TDRD3: variants seen among roughly 807,000 people sequenced by gnomAD.
The protein encoded by TDRD3 is tudor domain-containing protein 3.
A neutral mutation model predicts 86.7 loss-of-function variants in TDRD3; 45 were observed. The ratio of observed to expected loss-of-function variants is 0.52; its 90% CI spans 0.41 to 0.67. The LOEUF (loss-of-function observed/expected upper bound fraction) is 0.67, where lower values mean the gene tolerates loss of function less well. Among genes scored for constraint, TDRD3 ranks in the 30% least tolerant of loss-of-function variants. The pLI is 0.00. For missense variants in TDRD3, 814 were observed against 889.0 expected (o/e 0.92, Z 1.07); for synonymous variants, 298 against 301.7 (o/e 0.99, Z 0.13).
At chr13:60,462,814 T>C (rs1241778636) in intron 4 of TDRD3, among the ~76,000 whole-genome samples, 1 of 152,134 alleles carries the variant, frequency 6.6e-6, no homozygotes, top group African/African-American at 2.4e-5. Context: ...AAAATTTTAG[T>C]CCCTGAGTAA....
chr13:60,547,732 A>T lies in TDRD3; in HGVS notation c.2118+12499A>T, dbSNP rs564334251. 5.4e-4 allele frequency among the ~76,000 whole-genome samples: 82 copies of T among 152,280 alleles called. 1 individual carries two copies. The South Asian group carries it at 7.7e-3, about 14-fold the overall frequency. Reference sequence around the variant, plus strand: ...TCCCTATCTCCTCTTCATATTGAAAATATTATTTCTATCCTCTGTCTGATA... The same window carrying T: ...TCCCTATCTCCTCTTCATATTGAAATTATTATTTCTATCCTCTGTCTGATA... On this transcript the variant is annotated intron_variant, in intron 12 of 13. Transcript: ENST00000377881.
intron 7 of TDRD3, among the ~76,000 whole-genome samples, chr13:60,486,590 C>G (rs2137519286): frequency 6.6e-6 from 1 of 152,266 alleles, no homozygotes; most frequent in African/African-American, 2.4e-5. Flanking sequence ...TCTGTCACCT[C>G]AAACATTTAC....
chr13:60,523,737 C>T (rs1006554333), intron 10 of TDRD3, among the ~76,000 whole-genome samples: 1 of 151,864 alleles, frequency 6.6e-6, no homozygotes, highest in Non-Finnish European at 1.5e-5. Flanking sequence ...CCACCACGCC[C>T]AGCTAATTTT....
chr13:60,506,140 A>C (rs1956932561), intron 8 of TDRD3, among the ~76,000 whole-genome samples: 2 of 152,314 alleles, frequency 1.3e-5, no homozygotes, highest in South Asian at 4.2e-4. Flanking sequence ...GAGAAAGGTC[A>C]GGTTACCCTC....
chr13:60,430,963 GC>G (rs1437233941), intron 1 of TDRD3, among the ~76,000 whole-genome samples: 1 of 151,990 alleles, frequency 6.6e-6, no homozygotes, highest in Non-Finnish European at 1.5e-5. Flanking sequence ...CAGCAAAAAA[GC>G]ATTAGTCTGT....
chr13:60,475,570 C>T (rs936228797), intron 5 of TDRD3, among the ~76,000 whole-genome samples: 2 of 152,064 alleles, frequency 1.3e-5, no homozygotes, highest in African/African-American at 2.4e-5. Flanking sequence ...GTGCATGTGT[C>T]TTATGTGCAG....
intron 12 of TDRD3, chr13:60,537,479 C>G (rs1957723745): frequency 6.6e-6 from 1 of 151,996 alleles, no homozygotes; most frequent in Non-Finnish European, 1.5e-5. Context: ...ATAGAATTCT[C>G]TTAGCCCCTG....
At chr13:60,563,005 G>C (rs1349700215) in intron 12 of TDRD3, among the ~76,000 whole-genome samples, 1 of 151,928 alleles carries the variant, frequency 6.6e-6, no homozygotes, top group Non-Finnish European at 1.5e-5. Context: ...AAGGTGGGTG[G>C]ATCACCTGAG....
At chr13:60,492,873 ACTT>A (rs1956618089) in intron 7 of TDRD3, among the ~76,000 whole-genome samples, 1 of 145,954 alleles carries the variant, frequency 6.9e-6, no homozygotes, top group African/African-American at 2.5e-5. Flanking sequence ...TTTCATGTAT[ACTT>A]CTTTGTATTT....
intron 1 of TDRD3, among the ~76,000 whole-genome samples, chr13:60,436,733 A>G (rs1167527728): frequency 1.3e-5 from 2 of 152,166 alleles, no homozygotes; most frequent in Admixed American, 6.5e-5. Flanking sequence ...AAGAAATCAC[A>G]TATTTGACTT....
At chr13:60,498,275 A>G (rs1384438907) in intron 8 of TDRD3, among the ~76,000 whole-genome samples, 3 of 152,148 alleles carry the variant, frequency 2.0e-5, no homozygotes, top group Non-Finnish European at 4.4e-5. Flanking sequence ...TCTTCTCTGT[A>G]TGTCAGAGCT....
intron 7 of TDRD3, among the ~76,000 whole-genome samples, chr13:60,488,594 G>C (rs1435288240): frequency 6.6e-6 from 1 of 150,552 alleles, no homozygotes; most frequent in Non-Finnish European, 1.5e-5. Flanking sequence ...TTTTATTTTT[G>C]ACAGAGTCTT....
At chr13:60,504,847 G>A (rs1247396314) in intron 8 of TDRD3, among the ~76,000 whole-genome samples, 1 of 152,174 alleles carries the variant, frequency 6.6e-6, no homozygotes, top group Non-Finnish European at 1.5e-5. Context: ...TCGGGGAACT[G>A]TCTCCCATAG....
intron 1 of TDRD3, among the ~76,000 whole-genome samples, chr13:60,413,897 C>T (rs900614749): frequency 3.3e-5 from 5 of 151,986 alleles, no homozygotes; most frequent in Non-Finnish European, 5.9e-5. Flanking sequence ...TAGAATATTT[C>T]ACATAATATT....
intron 12 of TDRD3, among the ~76,000 whole-genome samples, chr13:60,549,025 TG>T (rs760361364): frequency 9.2e-5 from 14 of 152,124 alleles, no homozygotes; most frequent in Middle Eastern, 3.2e-3. Context: ...ATCTGCTGGA[TG>T]AACTATTATA....
chr13:60,401,615 T>C (rs1288241395), intron 1 of TDRD3, among the ~76,000 whole-genome samples: 2 of 152,226 alleles, frequency 1.3e-5, no homozygotes, highest in Non-Finnish European at 2.9e-5. Context: ...TGAAAGAACA[T>C]GTAGTCTTAG....
chr13:60,521,182 C>T (rs1957277897), intron 10 of TDRD3, among the ~76,000 whole-genome samples: 2 of 152,242 alleles, frequency 1.3e-5, no homozygotes, highest in South Asian at 4.1e-4. Context: ...GCAAACTTCT[C>T]CTAAAGAAGT....
intron 13 of TDRD3, among the ~76,000 whole-genome samples, chr13:60,568,206 C>T (rs1278168123): frequency 6.6e-6 from 1 of 152,120 alleles, no homozygotes; most frequent in Non-Finnish European, 1.5e-5. Context: ...TAACCCTCAG[C>T]TTCTCATGTA....
chr13:60,487,061 G>T (rs2137521827), intron 7 of TDRD3, among the ~76,000 whole-genome samples: 1 of 152,182 alleles, frequency 6.6e-6, no homozygotes, highest in Middle Eastern at 3.4e-3. Flanking sequence ...GGTGGGGGCG[G>T]GGAAGGATGG....
Sources: gnomAD v4.1 joint callset for allele counts (sites outside exome capture counted in the v4.1 genomes callset) on GRCh38, gnomAD v4.1.1 for gene constraint, MANE v1.5 for transcripts, NCBI Gene and HGNC (gene_info 2026-07-23, HGNC 2026-07-21) for gene names.